SIPA1L1: variants seen among roughly 807,000 people sequenced by gnomAD.
The protein encoded by SIPA1L1 is signal-induced proliferation-associated 1-like protein 1.
Under a neutral mutation model 162.7 loss-of-function variants are expected in SIPA1L1, and 26 were observed. The observed-to-expected ratio is 0.16, with a 90% confidence interval of 0.12 to 0.22. The LOEUF (loss-of-function observed/expected upper bound fraction) is 0.22, where lower values mean the gene tolerates loss of function less well. SIPA1L1 is among the 10% of genes least tolerant of loss of function. SIPA1L1 has a pLI of 1.00. For synonymous variants in SIPA1L1, 829 were observed against 837.4 expected (o/e 0.99, Z 0.17); for missense variants, 1,874 against 2,241.0 (o/e 0.84, Z 3.31).
intron 2 of SIPA1L1, among the ~76,000 whole-genome samples, chr14:71,360,807 A>G (rs1022967732): frequency 1.3e-5 from 2 of 152,240 alleles, no homozygotes; most frequent in African/African-American, 4.8e-5. Context: ...AAATGTATCT[A>G]CTTGATCTGT....
At chr14:71,439,582 ATCTT>A (rs1245247319) in intron 2 of SIPA1L1, among the ~76,000 whole-genome samples, 2 of 152,238 alleles carry the variant, frequency 1.3e-5, no homozygotes, top group African/African-American at 4.8e-5. Context: ...ACATTAATTT[ATCTT>A]TCTAAGAAAA....
chr14:71,734,625 C>T lies in SIPA1L1; in HGVS notation c.5009-652C>T, dbSNP rs533013676. On this transcript the variant is annotated intron_variant, in intron 21 of 23. Transcript: ENST00000381232. The stretch of plus-strand genomic sequence containing the variant: ...GTACTAGGCCACAGAATCTGTACGT[C>T]GGGCAACCATGGAATGGTCAGCAGT... Among the ~76,000 whole-genome samples, 7 of 152,192 alleles carry T rather than the reference C, an allele frequency of 4.6e-5. 1 individual carries two copies. The South Asian group carries it at 6.2e-4, about 14-fold the overall frequency.
chr14:71,328,905 A>G (rs2034162304), intron 2 of SIPA1L1, among the ~76,000 whole-genome samples: 2 of 152,186 alleles, frequency 1.3e-5, no homozygotes, highest in South Asian at 4.1e-4. Context: ...CGAATCTGAA[A>G]CTCTGTAAGC....
chr14:71,555,277 G>C (rs1269623534), intron 4 of SIPA1L1, among the ~76,000 whole-genome samples: 1 of 152,186 alleles, frequency 6.6e-6, no homozygotes, highest in Non-Finnish European at 1.5e-5. Flanking sequence ...TAGATCTTCT[G>C]GATAACTTGC....
intron 4 of SIPA1L1, among the ~76,000 whole-genome samples, chr14:71,575,522 A>C (rs1316872052): frequency 6.6e-6 from 1 of 152,212 alleles, no homozygotes; most frequent in Non-Finnish European, 1.5e-5. Context: ...AAATTATTTG[A>C]GGGTAAAAGA....
intron 2 of SIPA1L1, among the ~76,000 whole-genome samples, chr14:71,440,033 T>G (rs1411596120): frequency 6.6e-6 from 1 of 152,110 alleles, no homozygotes; most frequent in Non-Finnish European, 1.5e-5. Context: ...CTGAACTTAT[T>G]TTTTGTTTGT....
intron 5 of SIPA1L1, among the ~76,000 whole-genome samples, chr14:71,590,032 AAAAAAAAAAAAAATATATATAT>A (rs1567261042): frequency 4.7e-5 from 3 of 64,498 alleles, no homozygotes; most frequent in Non-Finnish European, 6.0e-5. Flanking sequence ...AAAAAAAAAA[AAAAAAAAAAAAAATATATATAT>A]ATATATATAT....
At chr14:71,629,573 G>T (rs1297245697) in intron 7 of SIPA1L1, among the ~76,000 whole-genome samples, 1 of 152,186 alleles carries the variant, frequency 6.6e-6, no homozygotes, top group Non-Finnish European at 1.5e-5. Context: ...AATAAAATTG[G>T]AATGGGTCTG....
intron 17 of SIPA1L1, among the ~76,000 whole-genome samples, chr14:71,711,277 A>G (rs2082858004): frequency 6.6e-6 from 1 of 152,250 alleles, no homozygotes; most frequent in Non-Finnish European, 1.5e-5. Context: ...AAAGTAGAAC[A>G]GGAAGTGGGC....
chr14:71,398,140 C>T (rs1162474930), intron 2 of SIPA1L1, among the ~76,000 whole-genome samples: 8 of 151,692 alleles, frequency 5.3e-5, no homozygotes, highest in Admixed American at 2.6e-4. Context: ...CTCAGCCTCC[C>T]GAATGGCTGG....
At chr14:71,609,506 G>A (rs1187431200) in intron 5 of SIPA1L1, among the ~76,000 whole-genome samples, 1 of 149,462 alleles carries the variant, frequency 6.7e-6, no homozygotes, top group Non-Finnish European at 1.5e-5. Flanking sequence ...TTGCTCTGTT[G>A]CCCAGGCTGG....
chr14:71,613,182 T>G (rs745961408), intron 5 of SIPA1L1, among the ~76,000 whole-genome samples: 1 of 152,196 alleles, frequency 6.6e-6, no homozygotes, highest in Non-Finnish European at 1.5e-5. Flanking sequence ...TTTTTATTCA[T>G]AATAAAATTT....
At chr14:71,630,974 C>T (rs374564115) in intron 7 of SIPA1L1, among the ~76,000 whole-genome samples, 146 of 152,030 alleles carry the variant, frequency 9.6e-4, no homozygotes, top group East Asian at 9.3e-3. Context: ...CTGCACCTAT[C>T]AACTTGTCAT....
At chr14:71,679,477 A>G (rs1000660734) in intron 12 of SIPA1L1, among the ~76,000 whole-genome samples, 7 of 152,222 alleles carry the variant, frequency 4.6e-5, no homozygotes, top group African/African-American at 1.7e-4. Context: ...CCACTGCAAA[A>G]ACATGCCAAA....
chr14:71,627,599 A>G (rs572407756), intron 7 of SIPA1L1, among the ~76,000 whole-genome samples: 5 of 152,216 alleles, frequency 3.3e-5, no homozygotes, highest in Admixed American at 6.5e-5. Context: ...CTTCACTTAC[A>G]GTACAGTTGG....
intron 17 of SIPA1L1, among the ~76,000 whole-genome samples, chr14:71,714,765 A>G (rs1425657521): frequency 1.3e-5 from 2 of 152,156 alleles, no homozygotes; most frequent in Admixed American, 1.3e-4. Context: ...ATATTTTTAT[A>G]GAGACAGGGT....
At chr14:71,634,453 ATT>A (rs577269874) in intron 7 of SIPA1L1, among the ~76,000 whole-genome samples, 1 of 145,704 alleles carries the variant, frequency 6.9e-6, no homozygotes, top group Non-Finnish European at 1.5e-5. Flanking sequence ...TGAATCACAG[ATT>A]TTTTTTTTTT....
At chr14:71,705,361 A>G in intron 16 of SIPA1L1, 21 bp downstream of exon 16, 3 of 1,520,438 alleles carry the variant, frequency 2.0e-6, no homozygotes, top group Non-Finnish European at 2.7e-6. Flanking sequence ...TGTAAACTTA[A>G]AAAAGTATTA....
chr14:71,464,057 A>G (rs2046803501), intron 2 of SIPA1L1, among the ~76,000 whole-genome samples: 2 of 152,210 alleles, frequency 1.3e-5, no homozygotes, highest in Admixed American at 6.5e-5. Context: ...GAGAAGAGCA[A>G]TTACAGTGCT....
Sources: allele counts gnomAD v4.1 joint callset (sites outside exome capture counted in the v4.1 genomes callset), GRCh38; gene constraint gnomAD v4.1.1; transcripts MANE v1.5; gene names NCBI Gene and HGNC (gene_info 2026-07-23, HGNC 2026-07-21).